Variants in C1orf21 observed in about 807,000 individuals in gnomAD.
The protein encoded by C1orf21 is chromosome 1 open reading frame 21.
Under a neutral mutation model 18.7 loss-of-function variants are expected in C1orf21, and 3 were observed. That is an observed-to-expected ratio of 0.16 (90% CI 0.07 to 0.42). The LOEUF (loss-of-function observed/expected upper bound fraction) is 0.42, where lower values mean the gene tolerates loss of function less well. C1orf21 is among the 10% of genes least tolerant of loss of function. The probability of loss-of-function intolerance (pLI) is 0.99; values close to 1 mark genes in which losing one functional copy is unlikely to be tolerated. For missense variants in C1orf21, 104 were observed against 143.6 expected (o/e 0.72, Z 1.41); for synonymous variants, 41 against 46.4 (o/e 0.88, Z 0.47).
chr1:184,494,639 G>A (rs1657863377), intron 2 of C1orf21, among the ~76,000 whole-genome samples: 1 of 152,124 alleles, frequency 6.6e-6, no homozygotes, highest in South Asian at 2.1e-4. Context: ...AGCAGTGGGA[G>A]GTAGAATTTT....
intron 1 of C1orf21, among the ~76,000 whole-genome samples, chr1:184,455,637 TA>T (rs1182190298): frequency 6.6e-6 from 1 of 152,202 alleles, no homozygotes; most frequent in East Asian, 1.9e-4. Context: ...AATATTAAGA[TA>T]TTTCAAATAA....
intron 4 of C1orf21, among the ~76,000 whole-genome samples, chr1:184,591,718 G>T (rs112126899): frequency 0.098 from 14,912 of 151,888 alleles, 869 homozygotes; most frequent in African/African-American, 0.16. Flanking sequence ...AGGCAGGAGA[G>T]TGGCGTGAAC....
chr1:184,442,580 T>C (rs1656965558), intron 1 of C1orf21, among the ~76,000 whole-genome samples: 1 of 152,154 alleles, frequency 6.6e-6, no homozygotes, highest in South Asian at 2.1e-4. Context: ...TATTGAACAT[T>C]AGTTTCCCCA....
intron 1 of C1orf21, among the ~76,000 whole-genome samples, chr1:184,393,734 A>T (rs1447858580): frequency 6.6e-6 from 1 of 152,214 alleles, no homozygotes; most frequent in Admixed American, 6.5e-5. Flanking sequence ...CATTCCAGAG[A>T]TTTTCATAAT....
At chr1:184,557,795 A>G (rs993309857) in intron 3 of C1orf21, among the ~76,000 whole-genome samples, 3 of 152,082 alleles carry the variant, frequency 2.0e-5, no homozygotes, top group African/African-American at 7.2e-5. Flanking sequence ...TATATTAGTT[A>G]TTTTCAGTTA....
At chr1:184,570,107 G>T (rs1210111181) in intron 3 of C1orf21, among the ~76,000 whole-genome samples, 1 of 152,088 alleles carries the variant, frequency 6.6e-6, no homozygotes, top group Non-Finnish European at 1.5e-5. Flanking sequence ...GGTAGAGGTG[G>T]CAAACAAATT....
At chr1:184,411,714 G>A (rs1656358051) in intron 1 of C1orf21, among the ~76,000 whole-genome samples, 1 of 152,100 alleles carries the variant, frequency 6.6e-6, no homozygotes, top group Non-Finnish European at 1.5e-5. Flanking sequence ...GAGCCACCGC[G>A]CCCAGCCGGT....
Position 184,616,802 on chromosome 1 carries a change from C to A in C1orf21, c.328-2716C>A, listed in dbSNP as rs1659833379. Among the ~76,000 whole-genome samples the A allele has an allele frequency of 2.6e-5, 4 of 152,160 alleles. No homozygotes were observed. The South Asian group carries it at 8.3e-4, about 31-fold the overall frequency. On this transcript the variant is annotated intron_variant, in intron 5 of 5. Transcript: ENST00000235307. ...TCATGGATGAAGCACCCTCTAAACT[C>A]CACATTGGCTGGCTGAGACTTTGCT...
chr1:184,456,804 T>A (rs1657205616), intron 1 of C1orf21, among the ~76,000 whole-genome samples: 1 of 152,196 alleles, frequency 6.6e-6, no homozygotes, highest in Admixed American at 6.6e-5. Flanking sequence ...TATATTGCAG[T>A]TTCTTACTTG....
chr1:184,608,434 C>G (rs746218211), intron 5 of C1orf21, among the ~76,000 whole-genome samples: 7 of 152,210 alleles, frequency 4.6e-5, no homozygotes, highest in Non-Finnish European at 7.3e-5. Context: ...GCCGTGGGCC[C>G]TGCTCTAGGT....
chr1:184,454,123 G>A (rs75684070), intron 1 of C1orf21, among the ~76,000 whole-genome samples: 6,250 of 152,204 alleles, frequency 0.041, 129 homozygotes, highest in Non-Finnish European at 0.049. Context: ...AAGCAACTTT[G>A]TATGTTTAAA....
At chr1:184,524,795 T>C (rs1658355036) in intron 3 of C1orf21, among the ~76,000 whole-genome samples, 1 of 152,132 alleles carries the variant, frequency 6.6e-6, no homozygotes, top group African/African-American at 2.4e-5. Context: ...TGATGTGGAC[T>C]AGGAACATCA....
intron 1 of C1orf21, among the ~76,000 whole-genome samples, chr1:184,416,182 G>T (rs1357976764): frequency 1.3e-5 from 2 of 151,766 alleles, no homozygotes; most frequent in Admixed American, 6.6e-5. Context: ...CTCCATAAAT[G>T]TTTTTTTTGG....
At position 184,627,049 on chromosome 1, in the gene C1orf21, C is replaced by G. The variant is rs1198188502; in HGVS notation, c.*7493C>G. On this transcript the variant is annotated 3_prime_UTR_variant, in exon 6 of 6. Transcript: ENST00000235307. ...CTCTGCTGGGTCCCAAATACACACC[C>G]GAGTCCTGCCAAAGAAAGGAGATTT... is the stretch of plus-strand genomic sequence containing the variant. The G allele has an allele frequency of 6.6e-6, 1 of 152,546 alleles. No homozygotes were observed. The highest frequency in any genetic ancestry group is 2.4e-5 in the African/African-American group (1 of 41,384). The allele number at this position is 152,546 out of a possible 1,614,324, so 9.4% of individuals were successfully genotyped here.
At chr1:184,432,096 T>C (rs1656774498) in intron 1 of C1orf21, among the ~76,000 whole-genome samples, 1 of 152,234 alleles carries the variant, frequency 6.6e-6, no homozygotes, top group African/African-American at 2.4e-5. Context: ...AGTTCAACTA[T>C]TGTGGAAGAC....
chr1:184,510,327 C>A (rs1658125539), intron 3 of C1orf21, among the ~76,000 whole-genome samples: 1 of 152,138 alleles, frequency 6.6e-6, no homozygotes, highest in Non-Finnish European at 1.5e-5. Flanking sequence ...CACTAGACTG[C>A]AGAGAAACAG....
intron 3 of C1orf21, among the ~76,000 whole-genome samples, chr1:184,553,433 T>C (rs1658839862): frequency 6.6e-6 from 1 of 152,242 alleles, no homozygotes; most frequent in Non-Finnish European, 1.5e-5. Flanking sequence ...TTCCTGGTTC[T>C]GTGCCGTAAA....
rs572516376 is a variant in C1orf21 at position 184,622,683 on chromosome 1, A to C, written c.*3127A>C. On this transcript the variant is annotated 3_prime_UTR_variant, in exon 6 of 6. Coordinates refer to ENST00000235307, the MANE Select transcript of C1orf21 (RefSeq NM_030806.4). ...CCCTCAGAAACTGCAGCAGCCACGC[A>C]CACAGAAGCCTGCTGGAAGACAGGT... is the stretch of plus-strand genomic sequence containing the variant. The C allele has an allele frequency of 6.5e-6, 1 of 153,060 alleles. No individual in the cohort carries two copies. Among genetic ancestry groups the C allele is most frequent in the Non-Finnish European group, 1.5e-5 (1 of 68,278 alleles). 9.5% of individuals were successfully genotyped at this position (153,060 alleles called of 1,614,324 possible). A position where few individuals can be genotyped will look rare whatever the true frequency, so the allele number is the denominator to read the frequency against.
At chr1:184,445,192 G>A (rs1657009722) in intron 1 of C1orf21, among the ~76,000 whole-genome samples, 1 of 152,126 alleles carries the variant, frequency 6.6e-6, no homozygotes. Context: ...ACTGGCATGT[G>A]GGAAGCTGTC....
Sources: allele counts gnomAD v4.1 joint callset (sites outside exome capture counted in the v4.1 genomes callset), GRCh38; gene constraint gnomAD v4.1.1; transcripts MANE v1.5; gene names NCBI Gene and HGNC (gene_info 2026-07-23, HGNC 2026-07-21).